The following DLGAP1 variants were observed in gnomAD, a reference collection of about 807,000 sequenced individuals.
The protein encoded by DLGAP1 is disks large-associated protein 1.
Under a neutral mutation model 90.8 loss-of-function variants are expected in DLGAP1, and 11 were observed. The ratio of observed to expected loss-of-function variants is 0.12; its 90% CI spans 0.08 to 0.20. The LOEUF (loss-of-function observed/expected upper bound fraction) is 0.20. Ranked by LOEUF, DLGAP1 falls within the 10% of genes least tolerant of loss-of-function variation. The probability of loss-of-function intolerance (pLI) is 1.00; values close to 1 mark genes in which losing one functional copy is unlikely to be tolerated. For missense variants in DLGAP1, 1,050 were observed against 1,333.8 expected, an observed-to-expected ratio of 0.79 and a Z score of 3.31; for synonymous variants, 558 against 540.7, an observed-to-expected ratio of 1.03 and a Z score of -0.44.
chr18:4,095,763 T>C (rs933804371), intron 2 of DLGAP1, among the ~76,000 whole-genome samples: 1 of 151,436 alleles, frequency 6.6e-6, no homozygotes, highest in South Asian at 2.1e-4. Flanking sequence ...GGGATACACA[T>C]TGATGAATAA....
At chr18:3,601,861 T>G (rs1382568695) in intron 7 of DLGAP1, among the ~76,000 whole-genome samples, 2 of 23,724 alleles carry the variant, frequency 8.4e-5, no homozygotes. Context: ...AAAAAAAAAT[T>G]AGCTGGGCGT....
At position 4,279,410 on chromosome 18, in the gene DLGAP1, C is replaced by CA. The variant is rs1288551119; in HGVS notation, c.-266-128124dup. 3.9e-5 allele frequency among the ~76,000 whole-genome samples: 6 copies of CA among 152,078 alleles called. No individual in the cohort carries two copies. The East Asian group carries it at 1.2e-3, about 29-fold the overall frequency. The stretch of plus-strand genomic sequence containing the variant: ...AAGTAATATGTTTTTGCAGTGATTT[C>CA]AAAGGATTGTGAGTATTTAGGTTAA... On this transcript the variant is annotated intron_variant, in intron 1 of 12. Transcript: ENST00000315677.
At chr18:4,163,382 C>T (rs2076878961) in intron 1 of DLGAP1, among the ~76,000 whole-genome samples, 1 of 152,196 alleles carries the variant, frequency 6.6e-6, no homozygotes. Context: ...TATCTGTACG[C>T]ACTACTATTC....
At position 3,691,417 on chromosome 18, in the gene DLGAP1, ACT is replaced by A. The variant is rs34968704; in HGVS notation, c.1591+37716_1591+37717del. On this transcript the variant is annotated intron_variant, in intron 7 of 12. Transcript: ENST00000315677. Reference sequence around the variant, plus strand: ...ATTCCAGCCTGGGCGATAGAGCAAGACTCTGTCTCAAAAAAAAAAAAAAAATT... The same window carrying A: ...ATTCCAGCCTGGGCGATAGAGCAAGACTGTCTCAAAAAAAAAAAAAAAATT... 9.8e-3 allele frequency among the ~76,000 whole-genome samples: 1,377 copies of A among 139,964 alleles called. 24 individuals carry two copies. The highest frequency in any genetic ancestry group is 0.039 in the African/African-American group (1,318 of 33,712). 91.8% of individuals were successfully genotyped at this position (139,964 alleles called of 152,430 possible).
At chr18:3,978,384 G>A (rs571155056) in intron 3 of DLGAP1, 1 of 333,850 alleles carries the variant, frequency 3.0e-6, no homozygotes, top group African/African-American at 2.2e-5. Flanking sequence ...TCTCGCCTTG[G>A]ATGATGAGTG....
chr18:3,579,268 T>C (rs72864750), intron 8 of DLGAP1, among the ~76,000 whole-genome samples: 7,467 of 152,302 alleles, frequency 0.049, 254 homozygotes, highest in Middle Eastern at 0.078. Context: ...TTGTGTGCAA[T>C]GGCATGATCT....
chr18:3,831,625 C>T (rs1242471165), intron 4 of DLGAP1, among the ~76,000 whole-genome samples: 1 of 152,196 alleles, frequency 6.6e-6, no homozygotes, highest in Non-Finnish European at 1.5e-5. Context: ...AGCTTCTTCA[C>T]ATACAAACAA....
chr18:3,956,794 G>T (rs2073094733), intron 3 of DLGAP1, among the ~76,000 whole-genome samples: 1 of 152,064 alleles, frequency 6.6e-6, no homozygotes, highest in Non-Finnish European at 1.5e-5. Context: ...GGGACTATAG[G>T]TGCACACAAC....
intron 2 of DLGAP1, among the ~76,000 whole-genome samples, chr18:4,130,686 T>C (rs16946065): frequency 0.019 from 2,840 of 152,126 alleles, 77 homozygotes; most frequent in South Asian, 0.085. Context: ...ACACAGAACA[T>C]GAACACGGAC....
chr18:3,714,048 C>T (rs912816399), intron 7 of DLGAP1, among the ~76,000 whole-genome samples: 6 of 152,210 alleles, frequency 3.9e-5, no homozygotes, highest in Admixed American at 6.5e-5. Context: ...TCTGGAGGTA[C>T]GGTGTTAACA....
chr18:4,386,927 A>C (rs1288566602), intron 1 of DLGAP1, among the ~76,000 whole-genome samples: 1 of 152,168 alleles, frequency 6.6e-6, no homozygotes, highest in Non-Finnish European at 1.5e-5. Flanking sequence ...AAATCTGTGG[A>C]GCATGACTGT....
intron 1 of DLGAP1, among the ~76,000 whole-genome samples, chr18:4,214,326 TGGGGG>T (rs2077907608): frequency 6.9e-6 from 1 of 145,616 alleles, no homozygotes; most frequent in African/African-American, 2.5e-5. Context: ...TTTTTTTTGG[TGGGGG>T]GAAAAGGATT....
intron 1 of DLGAP1, among the ~76,000 whole-genome samples, chr18:4,258,528 A>G (rs963428028): frequency 7.9e-5 from 12 of 152,106 alleles, no homozygotes; most frequent in African/African-American, 2.9e-4. Context: ...TGTGAAAAAT[A>G]CAAAAAAAAA....
At chr18:3,534,090 A>G in intron 10 of DLGAP1, 104 bp downstream of exon 10, 2 of 1,318,914 alleles carry the variant, frequency 1.5e-6, no homozygotes, top group East Asian at 2.3e-5. Flanking sequence ...TGGAACGTCA[A>G]GGTTATACAA....
rs767147047 is a variant in DLGAP1, at chr18:3,571,687, C to T, written c.1966-4106G>A. 1.7e-3 allele frequency among the ~76,000 whole-genome samples: 265 copies of T among 151,700 alleles called. 1 individual carries two copies. The highest frequency in any genetic ancestry group is 3.5e-3 in the Non-Finnish European group (237 of 67,964). On this transcript the variant is annotated intron_variant, in intron 8 of 12. Transcript: ENST00000315677. ...TGACTGCAGGCGCGTCCACCATGCC[C>T]GGCTAATTTTTGTATTTTTTAGTAG...
chr18:3,585,080 C>T (rs909703103), intron 7 of DLGAP1, among the ~76,000 whole-genome samples: 5 of 152,116 alleles, frequency 3.3e-5, no homozygotes, highest in African/African-American at 1.2e-4. Context: ...TTGAATGCAG[C>T]TCAACAATAA....
At chr18:4,097,301 T>A (rs907408725) in intron 2 of DLGAP1, among the ~76,000 whole-genome samples, 2 of 152,236 alleles carry the variant, frequency 1.3e-5, no homozygotes, top group Non-Finnish European at 2.9e-5. Flanking sequence ...GAGCTGTCCT[T>A]ACTGCCCCTG....
At chr18:3,975,330 G>T (rs2073547555) in intron 3 of DLGAP1, among the ~76,000 whole-genome samples, 1 of 152,078 alleles carries the variant, frequency 6.6e-6, no homozygotes, top group South Asian at 2.1e-4. Context: ...TATGCAAGTG[G>T]CCCATCAATA....
At chr18:3,809,606 G>A (rs1315271213) in intron 5 of DLGAP1, among the ~76,000 whole-genome samples, 1 of 152,178 alleles carries the variant, frequency 6.6e-6, no homozygotes, top group Admixed American at 6.5e-5. Context: ...AGTTTCAGAG[G>A]AGTTTCAAAA....
Sources: allele counts gnomAD v4.1 joint callset (sites outside exome capture counted in the v4.1 genomes callset), GRCh38; gene constraint gnomAD v4.1.1; transcripts MANE v1.5; gene names NCBI Gene and HGNC (gene_info 2026-07-23, HGNC 2026-07-21).